The following ZNF624 variants were observed in gnomAD, a reference collection of about 807,000 sequenced individuals.
ZNF624 encodes zinc finger protein 624.
In ZNF624, 43 loss-of-function variants were observed where a neutral mutation model predicts 74.7. That is an observed-to-expected ratio of 0.58 (90% CI 0.45 to 0.74). The LOEUF (loss-of-function observed/expected upper bound fraction) is 0.74, where lower values mean the gene tolerates loss of function less well. Among genes scored for constraint, ZNF624 ranks in the 30% least tolerant of loss-of-function variants. The probability of loss-of-function intolerance (pLI) is 0.00; values close to 1 mark genes in which losing one functional copy is unlikely to be tolerated. For missense variants in ZNF624, 820 were observed against 1,030.0 expected (o/e 0.80, Z 2.79); for synonymous variants, 331 against 341.3 (o/e 0.97, Z 0.33).
chr17:16,624,267 A>C lies in ZNF624; in HGVS notation c.619T>G (p.Ser207Ala), dbSNP rs1178144239. ...PTSQRGFRFE[S>A]ILIPEPGIAT... ...ATGCCTGGTTCTGGAATAAGAATAG[A>C]TTCAAATCTAAAGCCTCTTTGACTA... The change falls in exon 6 of 6, where the codon TCT becomes GCT. Residue 207 changes from serine (S) to alanine (A), a missense_variant. By Grantham distance (99) the Ser-to-Ala change is moderately conservative. Transcript: ENST00000311331. 1 of 1,614,172 alleles carries C rather than the reference A, an allele frequency of 6.2e-7. No individual in the cohort carries two copies.
intron 5 of ZNF624, 45 bp from the exon 6 acceptor site, chr17:16,624,554 G>A (rs568001386): frequency 3.4e-5 from 51 of 1,487,610 alleles, no homozygotes; most frequent in Non-Finnish European, 4.5e-5. Flanking sequence ...TTCCTAAGCT[G>A]GGGCAATCTC....
chr17:16,615,956 CATATATATATATATATATATATAT>C (rs56321425), downstream of ZNF624, among the ~76,000 whole-genome samples: 821 of 90,322 alleles, frequency 9.1e-3, 11 homozygotes, highest in African/African-American at 0.013. Flanking sequence ...ATTCCATATA[CATATATATATATATATATATATAT>C]ATATATATAT....
downstream of ZNF624, chr17:16,617,564 G>A (rs897048462): frequency 5.1e-6 from 8 of 1,570,110 alleles, no homozygotes; most frequent in African/African-American, 9.5e-5. Context: ...TATTCTGTAC[G>A]AACAGGTGGT....
chr17:16,643,498 A>C (rs1219780936), intron 3 of ZNF624, among the ~76,000 whole-genome samples: 1 of 152,210 alleles, frequency 6.6e-6, no homozygotes, highest in Non-Finnish European at 1.5e-5. Context: ...TGAAAAGATT[A>C]GTGGTTGTCA....
Position 16,623,135 on chromosome 17 carries a change from T to C in ZNF624, c.1751A>G (p.Tyr584Cys), listed in dbSNP as rs1908966550. ...HQRIHTEEKP[Y>C]LCNECGESFR... ...AGACTCCCCACATTCATTGCACAGATAAGGTTTCTCTTCAGTATGAATACG... is the reference window on the plus strand; with the variant it reads ...AGACTCCCCACATTCATTGCACAGACAAGGTTTCTCTTCAGTATGAATACG... The change falls in exon 6 of 6, where the codon TAT (tyrosine) becomes TGT (cysteine). Residue 584 changes from tyrosine (Y) to cysteine (C), a missense_variant. Coordinates refer to ENST00000311331, the MANE Select transcript of ZNF624 (RefSeq NM_020787.4). This position sits in a 1 kb window ranked among gnomAD's most constrained non-coding sequence, Gnocchi z 5.3. 1 of 1,613,892 alleles carries C rather than the reference T, an allele frequency of 6.2e-7. No homozygotes were observed.
intron 5 of ZNF624, 66 bp downstream of exon 5, chr17:16,633,796 G>A: frequency 8.2e-7 from 1 of 1,221,964 alleles, no homozygotes; most frequent in Admixed American, 1.9e-5. Flanking sequence ...CAGATGTTCT[G>A]GTGAACATCC....
chr17:16,640,627 C>T (rs1218014760), intron 3 of ZNF624, among the ~76,000 whole-genome samples: 1 of 152,014 alleles, frequency 6.6e-6, no homozygotes, highest in Non-Finnish European at 1.5e-5. Context: ...CACTATGAAC[C>T]ATGGTATGCG....
At chr17:16,616,228 A>G (rs908247724), downstream of ZNF624, among the ~76,000 whole-genome samples, 28 of 151,868 alleles carry the variant, frequency 1.8e-4, no homozygotes, top group African/African-American at 6.8e-4. Flanking sequence ...GCACAAAATA[A>G]TGTTATCCAA....
intron 2 of ZNF624, among the ~76,000 whole-genome samples, chr17:16,647,798 TAC>T (rs893894637): frequency 1.3e-4 from 20 of 152,140 alleles, no homozygotes; most frequent in South Asian, 2.1e-4. Flanking sequence ...GAAAAATCAT[TAC>T]AGTGTTTGGT....
At chr17:16,649,427 C>T (rs1470991103) in intron 2 of ZNF624, among the ~76,000 whole-genome samples, 2 of 152,118 alleles carry the variant, frequency 1.3e-5, no homozygotes, top group Non-Finnish European at 2.9e-5. Context: ...TCATAACTAA[C>T]GACAGCTCAG....
Position 16,623,701 on chromosome 17 carries a change from T to C in ZNF624, c.1185A>G (p.Lys395=), listed in dbSNP as rs773793369. 3.7e-6 allele frequency: 6 copies of C among 1,611,616 alleles called. No individual in the cohort carries two copies. The highest frequency in any genetic ancestry group is 2.2e-5 in the South Asian group (2 of 90,402). ...CAAGTTTTGATTTATCACTAAAAGC[T>C]TTCCCGCATTCACTACATTTATAGG... ...EKPYKCSECG[K]AFSDKSKLAR... is the part of the protein sequence containing the mutation. The change falls in exon 6 of 6, where the codon AAA becomes AAG. Residue 395 remains lysine, a synonymous_variant. Coordinates refer to ENST00000311331, the MANE Select transcript of ZNF624 (RefSeq NM_020787.4). The surrounding 1 kb of genome is among the most constrained non-coding windows in gnomAD (Gnocchi z 5.3).
intron 3 of ZNF624, among the ~76,000 whole-genome samples, chr17:16,643,666 T>C (rs141362389): frequency 1.0e-3 from 154 of 152,306 alleles, no homozygotes; most frequent in Middle Eastern, 3.4e-3. Flanking sequence ...TTTTATGATA[T>C]ATTAATTACA....
intron 2 of ZNF624, among the ~76,000 whole-genome samples, chr17:16,648,027 C>T (rs367623336): frequency 1.3e-5 from 2 of 152,112 alleles, no homozygotes; most frequent in South Asian, 4.1e-4. Context: ...CCTCTGCCTC[C>T]CAGGTTCAAG....
At chr17:16,630,925 T>A (rs993713934) in intron 5 of ZNF624, among the ~76,000 whole-genome samples, 4 of 151,898 alleles carry the variant, frequency 2.6e-5, no homozygotes, top group African/African-American at 9.7e-5. Flanking sequence ...AAGCTGTAAG[T>A]ATACAGATTT....
At chr17:16,650,327 T>C (rs1909693238) in intron 1 of ZNF624, among the ~76,000 whole-genome samples, 1 of 152,118 alleles carries the variant, frequency 6.6e-6, no homozygotes, top group East Asian at 1.9e-4. Flanking sequence ...ATATTGGAAA[T>C]CTTGATTTAC....
chr17:16,645,960 A>G (rs922178356), intron 3 of ZNF624, among the ~76,000 whole-genome samples: 56 of 151,468 alleles, frequency 3.7e-4, no homozygotes, highest in African/African-American at 9.9e-4. Flanking sequence ...AAAAAAAAAA[A>G]AAAAAGAAAA....
At chr17:16,640,636 C>A (rs147071321) in intron 3 of ZNF624, among the ~76,000 whole-genome samples, 98 of 152,178 alleles carry the variant, frequency 6.4e-4, no homozygotes, top group African/African-American at 1.7e-3. Flanking sequence ...CCATGGTATG[C>A]GAACTTAGAT....
Position 16,623,165 on chromosome 17 carries a change from T to C in ZNF624, c.1721A>G (p.His574Arg). ...AFMRSSSLIIHQRIHTEEKPY... is the reference protein window; with the variant it reads ...AFMRSSSLIIRQRIHTEEKPY... ...TTTCTCTTCAGTATGAATACGCTGATGTATAATTAGAGAAGAAGAACGCAT... is the reference window on the plus strand; with the variant it reads ...TTTCTCTTCAGTATGAATACGCTGACGTATAATTAGAGAAGAAGAACGCAT... The change falls in exon 6 of 6, where the codon CAT becomes CGT. Residue 574 changes from histidine (H) to arginine (R), a missense_variant. His to Arg is a conservative substitution (Grantham distance 29). Transcript: ENST00000311331. The surrounding 1 kb of genome is among the most constrained non-coding windows in gnomAD (Gnocchi z 5.3). 1 of 1,613,958 alleles carries C rather than the reference T, an allele frequency of 6.2e-7. No individual in the cohort carries two copies. The highest frequency in any genetic ancestry group is 8.5e-7 in the Non-Finnish European group (1 of 1,179,966).
downstream of ZNF624, among the ~76,000 whole-genome samples, chr17:16,616,310 AT>A (rs1341133216): frequency 6.6e-6 from 1 of 152,130 alleles, no homozygotes; most frequent in African/African-American, 2.4e-5. Context: ...GTTTCCACAA[AT>A]GGCAGATATC....
Sources: gnomAD v4.1 joint callset for allele counts (sites outside exome capture counted in the v4.1 genomes callset) on GRCh38, gnomAD v4.1.1 for gene constraint, Gnocchi (gnomAD v3.1) non-coding constraint, MANE v1.5 for transcripts, NCBI Gene and HGNC (gene_info 2026-07-23, HGNC 2026-07-21) for gene names.